Variants in GPC5 observed in about 807,000 individuals in gnomAD.
GPC5 encodes glypican-5.
Under a neutral mutation model 53.9 loss-of-function variants are expected in GPC5, and 47 were observed. The ratio of observed to expected loss-of-function variants is 0.87; its 90% CI spans 0.69 to 1.11. The LOEUF is 1.11. Among genes scored for constraint, GPC5 ranks in the 50% most tolerant of loss-of-function variants. The probability of loss-of-function intolerance (pLI) is 0.00; values close to 1 mark genes in which losing one functional copy is unlikely to be tolerated. For missense variants in GPC5, 748 were observed against 713.1 expected (o/e 1.05, Z -0.56); for synonymous variants, 286 against 263.3 (o/e 1.09, Z -0.84).
chr13:91,679,122 A>G (rs1205562703), intron 2 of GPC5, among the ~76,000 whole-genome samples: 1 of 152,160 alleles, frequency 6.6e-6, no homozygotes, highest in Non-Finnish European at 1.5e-5. Flanking sequence ...TAAGAGAGAT[A>G]TTAAGGCAAT....
intron 2 of GPC5, among the ~76,000 whole-genome samples, chr13:91,574,158 T>C (rs1001533952): frequency 6.6e-6 from 1 of 152,188 alleles, no homozygotes; most frequent in Admixed American, 6.5e-5. Context: ...TACATTCTGA[T>C]TTGCCATTTT....
At chr13:92,719,333 C>A (rs1566383066) in intron 7 of GPC5, among the ~76,000 whole-genome samples, 1 of 151,968 alleles carries the variant, frequency 6.6e-6, no homozygotes, top group African/African-American at 2.4e-5. Context: ...TGTAATAAGA[C>A]CCCTGACTTT....
intron 7 of GPC5, among the ~76,000 whole-genome samples, chr13:92,513,662 G>A (rs144508131): frequency 6.6e-6 from 1 of 151,950 alleles, no homozygotes; most frequent in African/African-American, 2.4e-5. Flanking sequence ...GAAATGCTTG[G>A]GATAAGAAGT....
chr13:91,816,350 T>G (rs2038400114), intron 5 of GPC5, among the ~76,000 whole-genome samples: 1 of 152,200 alleles, frequency 6.6e-6, no homozygotes, highest in East Asian at 1.9e-4. Context: ...TCGGTTGTGC[T>G]TCTTTCTTTC....
At chr13:92,760,529 C>A (rs1458106795) in intron 7 of GPC5, among the ~76,000 whole-genome samples, 2 of 151,872 alleles carry the variant, frequency 1.3e-5, no homozygotes, top group African/African-American at 4.8e-5. Flanking sequence ...TCTCCACCTT[C>A]ATTTCTGATT....
At chr13:92,325,136 G>A (rs1257937040) in intron 7 of GPC5, among the ~76,000 whole-genome samples, 1 of 128,032 alleles carries the variant, frequency 7.8e-6, no homozygotes. Context: ...ACACACGTAG[G>A]TATATATACA....
chr13:91,670,023 G>T (rs894522839), intron 2 of GPC5, among the ~76,000 whole-genome samples: 1 of 152,140 alleles, frequency 6.6e-6, no homozygotes. Context: ...CCAAAGGAAA[G>T]GTAGAACTAG....
intron 5 of GPC5, among the ~76,000 whole-genome samples, chr13:91,789,079 T>C (rs2037923301): frequency 6.6e-6 from 1 of 152,064 alleles, no homozygotes; most frequent in Non-Finnish European, 1.5e-5. Context: ...CTGGGCATGG[T>C]GGCACGGCCT....
intron 7 of GPC5, among the ~76,000 whole-genome samples, chr13:92,376,113 G>C (rs2043691855): frequency 6.6e-6 from 1 of 152,204 alleles, no homozygotes; most frequent in African/African-American, 2.4e-5. Flanking sequence ...GAAATCATCT[G>C]GTGCCAGCCG....
chr13:91,441,725 C>A (rs1423421628), intron 1 of GPC5, among the ~76,000 whole-genome samples: 2 of 152,110 alleles, frequency 1.3e-5, no homozygotes, highest in Non-Finnish European at 2.9e-5. Context: ...CAGTCAAAAC[C>A]CTTCTGCCAT....
At chr13:92,204,508 G>A (rs1054721607) in intron 7 of GPC5, among the ~76,000 whole-genome samples, 3 of 152,042 alleles carry the variant, frequency 2.0e-5, no homozygotes, top group Non-Finnish European at 2.9e-5. Flanking sequence ...AAGGAATCAG[G>A]GTCCAATTAC....
intron 2 of GPC5, among the ~76,000 whole-genome samples, chr13:91,559,168 G>C (rs1369916669): frequency 1.3e-5 from 2 of 152,074 alleles, no homozygotes; most frequent in Non-Finnish European, 2.9e-5. Context: ...TGGAAACTGG[G>C]ATGCCAGAAA....
At chr13:92,633,457 T>C (rs1313758368) in intron 7 of GPC5, among the ~76,000 whole-genome samples, 1 of 152,254 alleles carries the variant, frequency 6.6e-6, no homozygotes, top group East Asian at 1.9e-4. Context: ...TTAAAAAATA[T>C]TTAGTTTTTT....
intron 7 of GPC5, among the ~76,000 whole-genome samples, chr13:92,391,830 A>T (rs759801570): frequency 3.9e-5 from 6 of 152,152 alleles, no homozygotes; most frequent in Non-Finnish European, 7.4e-5. Flanking sequence ...ATCACTTTCT[A>T]GAAGGTCATG....
intron 6 of GPC5, among the ~76,000 whole-genome samples, chr13:92,001,170 A>G (rs2040550790): frequency 6.6e-6 from 1 of 152,226 alleles, no homozygotes; most frequent in African/African-American, 2.4e-5. Context: ...TGAAGTTGTT[A>G]GTACTATTTT....
intron 6 of GPC5, among the ~76,000 whole-genome samples, chr13:91,977,961 AAG>A (rs1302843817): frequency 5.4e-5 from 8 of 147,998 alleles, no homozygotes; most frequent in African/African-American, 1.5e-4. Context: ...AGAAAAAAGA[AAG>A]AAAGAAAGAA....
intron 7 of GPC5, among the ~76,000 whole-genome samples, chr13:92,197,268 T>C (rs2042263036): frequency 1.3e-5 from 2 of 152,126 alleles, no homozygotes; most frequent in Admixed American, 6.5e-5. Context: ...AGACTTCATA[T>C]AGAGGGATAT....
intron 7 of GPC5, among the ~76,000 whole-genome samples, chr13:92,385,660 T>TAC (rs1313936508): frequency 7.1e-6 from 1 of 141,678 alleles, no homozygotes; most frequent in Admixed American, 7.4e-5. Context: ...CACATATATA[T>TAC]ATACATATAT....
At chr13:92,155,300 C>A (rs1338766431) in intron 7 of GPC5, among the ~76,000 whole-genome samples, 2 of 151,896 alleles carry the variant, frequency 1.3e-5, no homozygotes, top group Non-Finnish European at 2.9e-5. Context: ...GCATTAGTGG[C>A]AAAAATTATA....
Sources: allele counts gnomAD v4.1 joint callset (sites outside exome capture counted in the v4.1 genomes callset), GRCh38; gene constraint gnomAD v4.1.1; transcripts MANE v1.5; gene names NCBI Gene and HGNC (gene_info 2026-07-23, HGNC 2026-07-21).